The following RGS7 variants were observed in gnomAD, a reference collection of about 807,000 sequenced individuals.
RGS7 encodes the protein regulator of G-protein signaling 7.
Under a neutral mutation model 81.1 loss-of-function variants are expected in RGS7, and 27 were observed. The ratio of observed to expected loss-of-function variants is 0.33; its 90% CI spans 0.25 to 0.46. The LOEUF is 0.46. Among genes scored for constraint, RGS7 ranks in the 20% least tolerant of loss-of-function variants. RGS7 has a pLI of 1.00. For missense variants in RGS7, 396 were observed against 607.4 expected (o/e 0.65, Z 3.66); for synonymous variants, 208 against 207.7 (o/e 1.00, Z -0.01).
intron 18 of RGS7, among the ~76,000 whole-genome samples, chr1:240,786,827 T>C (rs1440741074): frequency 7.9e-5 from 12 of 152,244 alleles, no homozygotes; most frequent in Admixed American, 7.9e-4. Context: ...AGATATGTCT[T>C]GATACAGTTA....
At chr1:241,187,458 A>G (rs1304041717) in intron 2 of RGS7, among the ~76,000 whole-genome samples, 2 of 152,214 alleles carry the variant, frequency 1.3e-5, no homozygotes, top group Non-Finnish European at 2.9e-5. Context: ...CACTTTTGGG[A>G]GAAAAAATGA....
chr1:240,907,071 C>T (rs261827), intron 6 of RGS7, among the ~76,000 whole-genome samples: 85,287 of 151,840 alleles, frequency 0.56, 24,854 homozygotes, highest in Middle Eastern at 0.69. Context: ...TGTAGATCTC[C>T]GGACTTTGGC....
chr1:241,024,794 G>A (rs2059708485), intron 3 of RGS7, among the ~76,000 whole-genome samples: 1 of 152,090 alleles, frequency 6.6e-6, no homozygotes, highest in Non-Finnish European at 1.5e-5. Flanking sequence ...ATATTAACTG[G>A]GGATAATTCA....
At position 240,966,970 on chromosome 1, in the gene RGS7, G is replaced by C. The variant is rs192689084; in HGVS notation, c.226+16109C>G. ...CAACATGTGTGAAACACTATGTAGG[G>C]GTTAGGGACAACACAAAGAACAAAG... On this transcript the variant is annotated intron_variant, in intron 4 of 18. Transcript: ENST00000440928. Among the ~76,000 whole-genome samples, 350 of 151,794 alleles carry C rather than the reference G, an allele frequency of 2.3e-3. 1 individual carries two copies. Among genetic ancestry groups the C allele is most frequent in the African/African-American group, 8.1e-3 (331 of 41,116 alleles).
intron 4 of RGS7, among the ~76,000 whole-genome samples, chr1:240,972,095 T>C (rs1354102091): frequency 6.6e-6 from 1 of 152,174 alleles, no homozygotes. Context: ...AAATATAACA[T>C]CAAATCCAAG....
At chr1:241,161,823 T>C (rs2069711973) in intron 2 of RGS7, among the ~76,000 whole-genome samples, 1 of 151,660 alleles carries the variant, frequency 6.6e-6, no homozygotes, top group South Asian at 2.1e-4. Context: ...GTTCAAGCGA[T>C]TCTCCTGCCT....
chr1:241,103,609 C>T (rs966230677), intron 2 of RGS7, among the ~76,000 whole-genome samples: 2 of 152,078 alleles, frequency 1.3e-5, no homozygotes, highest in Non-Finnish European at 2.9e-5. Flanking sequence ...CGGTGGCTCA[C>T]GCCAGTAATC....
intron 18 of RGS7, among the ~76,000 whole-genome samples, chr1:240,785,558 C>G (rs1216431574): frequency 6.6e-6 from 1 of 152,162 alleles, no homozygotes; most frequent in Admixed American, 6.5e-5. Context: ...AAGAGCTGAG[C>G]TCCTTGGCTG....
At chr1:241,171,058 G>A (rs2070699369) in intron 2 of RGS7, among the ~76,000 whole-genome samples, 1 of 152,112 alleles carries the variant, frequency 6.6e-6, no homozygotes, top group Non-Finnish European at 1.5e-5. Flanking sequence ...TTGCTTTGCT[G>A]CACACTTTGT....
chr1:241,090,238 G>C (rs1353979902), intron 3 of RGS7, among the ~76,000 whole-genome samples: 1 of 152,194 alleles, frequency 6.6e-6, no homozygotes, highest in African/African-American at 2.4e-5. Context: ...TTGCAGTAGA[G>C]AAATACAAGC....
chr1:241,284,659 CA>C (rs1057418500), intron 2 of RGS7, among the ~76,000 whole-genome samples: 1 of 152,144 alleles, frequency 6.6e-6, no homozygotes, highest in Non-Finnish European at 1.5e-5. Flanking sequence ...GTGACAGGAA[CA>C]AAAGTCCCAG....
intron 9 of RGS7, among the ~76,000 whole-genome samples, chr1:240,867,734 C>T (rs1293189865): frequency 6.6e-6 from 1 of 152,168 alleles, no homozygotes; most frequent in African/African-American, 2.4e-5. Context: ...GGCACGGTGG[C>T]TCATGCCTGC....
chr1:241,038,846 A>G (rs1465927360), intron 3 of RGS7, among the ~76,000 whole-genome samples: 1 of 152,174 alleles, frequency 6.6e-6, no homozygotes, highest in Non-Finnish European at 1.5e-5. Flanking sequence ...ATGCATTTGT[A>G]GTCCTAGCTA....
intron 18 of RGS7, among the ~76,000 whole-genome samples, chr1:240,779,084 T>C (rs2102953233): frequency 6.8e-6 from 1 of 146,362 alleles, no homozygotes; most frequent in African/African-American, 2.6e-5. Context: ...CTCTCATTAA[T>C]GGGATTAGTG....
chr1:241,280,875 G>T (rs1558268868), intron 2 of RGS7, among the ~76,000 whole-genome samples: 1 of 152,168 alleles, frequency 6.6e-6, no homozygotes, highest in Non-Finnish European at 1.5e-5. Flanking sequence ...CAAAATGATA[G>T]TTGCAAGTTT....
intron 6 of RGS7, 129 bp from the exon 7 acceptor site, chr1:240,870,248 C>G (rs748341761): frequency 1.3e-6 from 1 of 766,538 alleles, no homozygotes; most frequent in Non-Finnish European, 2.3e-6. Flanking sequence ...TTTTCTTAGA[C>G]AAAAAATAAT....
At chr1:240,934,876 CTTTTTTTTTTTTTTT>C (rs555195177) in intron 5 of RGS7, among the ~76,000 whole-genome samples, 1 of 67,154 alleles carries the variant, frequency 1.5e-5, no homozygotes, top group Non-Finnish European at 2.9e-5. Context: ...CTTCACATGG[CTTTTTTTTTTTTTTT>C]TTTTTTTTTT....
At position 241,087,968 on chromosome 1, in the gene RGS7, CTCTCTCTCTATATA is replaced by C. The variant is rs1474016592; in HGVS notation, c.175+10684_175+10697del. Among the ~76,000 whole-genome samples, 60 of 87,284 alleles carry C rather than the reference CTCTCTCTCTATATA, an allele frequency of 6.9e-4. 1 individual carries two copies. The highest frequency in any genetic ancestry group is 1.2e-3 in the Non-Finnish European group (49 of 41,674). The allele number at this position is 87,284 out of a possible 152,430, so 57.3% of individuals were successfully genotyped here. On this transcript the variant is annotated intron_variant, in intron 3 of 18. Transcript: ENST00000440928. ...CATCTCTCTCTCTCTCTCTCTCTCT[CTCTCTCTCTATATA>C]TATATATATATATACACACACACAC...
intron 18 of RGS7, among the ~76,000 whole-genome samples, chr1:240,777,315 C>T (rs958825879): frequency 3.3e-5 from 5 of 151,842 alleles, no homozygotes; most frequent in Admixed American, 2.0e-4. Flanking sequence ...AACGTTTGAT[C>T]GGAATGCAAA....
Sources: gnomAD v4.1 joint callset for allele counts (sites outside exome capture counted in the v4.1 genomes callset) on GRCh38, gnomAD v4.1.1 for gene constraint, MANE v1.5 for transcripts, NCBI Gene and HGNC (gene_info 2026-07-23, HGNC 2026-07-21) for gene names.